GRB10: variants seen among roughly 807,000 people sequenced by gnomAD.
GRB10 encodes the protein growth factor receptor bound protein 10, also known as growth factor receptor-bound protein 10.
Under a neutral mutation model 80.9 loss-of-function variants are expected in GRB10, and 20 were observed. The ratio of observed to expected loss-of-function variants is 0.25; its 90% CI spans 0.17 to 0.36. GRB10 has a LOEUF of 0.36. GRB10 is among the 10% of genes least tolerant of loss of function. GRB10 has a pLI of 1.00. For missense variants in GRB10, 548 were observed against 747.7 expected (o/e 0.73, Z 3.12); for synonymous variants, 291 against 291.5 (o/e 1.00, Z 0.02).
chr7:50,762,386 C>A (rs558394282), intron 2 of GRB10, among the ~76,000 whole-genome samples: 1 of 151,812 alleles, frequency 6.6e-6, no homozygotes, highest in Non-Finnish European at 1.5e-5. Context: ...AAATGCACCA[C>A]CTCCTTTAAA....
At chr7:50,720,296 A>G (rs1239553188) in intron 4 of GRB10, among the ~76,000 whole-genome samples, 1 of 152,258 alleles carries the variant, frequency 6.6e-6, no homozygotes, top group African/African-American at 2.4e-5. Flanking sequence ...GATAATAATA[A>G]TAAATGTACC....
chr7:50,594,741 G>A (rs562305307), intron 18 of GRB10, among the ~76,000 whole-genome samples: 55 of 152,154 alleles, frequency 3.6e-4, no homozygotes, highest in Non-Finnish European at 6.8e-4. Flanking sequence ...ATTGAACTGT[G>A]GCATACTGAA....
Position 50,674,480 on chromosome 7 carries a change from C to T in GRB10, c.318G>A (p.Arg106=), listed in dbSNP as rs1434063281. The change falls in exon 6 of 19, where the codon AGG becomes AGA. Residue 106 remains arginine, a synonymous_variant. Coordinates refer to ENST00000401949, the MANE Select transcript of GRB10 (RefSeq NM_001350814.2). ...PRSIQPQVSP[R]QRVQRSQPVH... Reference sequence around the variant, plus strand: ...CAGGCTGGGAGCGCTGCACCCTCTGCCTCGGGGACACCTGTGGCTGGATGG... The same window carrying T: ...CAGGCTGGGAGCGCTGCACCCTCTGTCTCGGGGACACCTGTGGCTGGATGG... The T allele has an allele frequency of 5.0e-6, 8 of 1,608,140 alleles. No individual in the cohort carries two copies. The African/African-American group carries it at 9.3e-5, about 19-fold the overall frequency.
chr7:50,769,089 C>A (rs897319472), intron 2 of GRB10, among the ~76,000 whole-genome samples: 6 of 152,192 alleles, frequency 3.9e-5, no homozygotes, highest in African/African-American at 1.4e-4. Flanking sequence ...CACTACTCCC[C>A]ATGAGAATGG....
rs1371679952 is a variant in GRB10, at chr7:50,590,852, CAG to C, written c.*2098_*2099del. On this transcript the variant is annotated 3_prime_UTR_variant, in exon 19 of 19. Transcript: ENST00000401949. ...ACCAGCTACATACAAAACTGTGAAT[CAG>C]AGTCAAGCTTTTGTTCTCCTTTTAA... 3.3e-5 allele frequency: 5 copies of C among 152,204 alleles called. No homozygotes were observed. Among genetic ancestry groups the C allele is most frequent in the Non-Finnish European group, 5.9e-5 (4 of 68,034 alleles). The allele number at this position is 152,204 out of a possible 1,614,324, so 9.4% of individuals were successfully genotyped here.
chr7:50,664,059 G>A (rs1412446637), intron 7 of GRB10, among the ~76,000 whole-genome samples: 2 of 152,190 alleles, frequency 1.3e-5, no homozygotes, highest in Non-Finnish European at 2.9e-5. Context: ...GGCCATGCTC[G>A]GCTGATGGGC....
intron 3 of GRB10, among the ~76,000 whole-genome samples, chr7:50,746,082 C>T (rs1325570680): frequency 6.6e-6 from 1 of 152,202 alleles, no homozygotes; most frequent in Non-Finnish European, 1.5e-5. Context: ...TGAAACCATA[C>T]AAGCTCCACA....
chr7:50,656,692 C>T (rs571615187), intron 7 of GRB10, among the ~76,000 whole-genome samples: 6 of 152,306 alleles, frequency 3.9e-5, no homozygotes, highest in African/African-American at 1.4e-4. Context: ...CCAAAGCCAC[C>T]GTGTGCTACC....
rs993924030 is a variant in GRB10 at position 50,669,862 on chromosome 7, G to T, written c.364C>A (p.Arg122Ser). ...SQPVHILAVR[R>S]LQEEDQQFRT... ...AACTGCTGGTCTTCCTCCTGAAGGC[G>T]CCTGGAAGGCAGGGATAAGTGCCTG... The change falls in exon 7 of 19, where the codon CGC (arginine) becomes AGC (serine). Residue 122 changes from arginine to serine, a missense_variant and splice_region_variant. Around this residue, in one of 4 missense-constraint regions of GRB10, gnomAD observed 245 missense variants for 229.3 expected, o/e 1.07. Transcript: ENST00000401949. The T allele has an allele frequency of 1.9e-6, 3 of 1,609,954 alleles. No homozygotes were observed. The highest frequency in any genetic ancestry group is 2.2e-5 in the East Asian group (1 of 44,732).
chr7:50,612,768 G>A lies in GRB10; in HGVS notation c.1167C>T (p.Cys389=). Residue 389 remains cysteine (C), a synonymous_variant, in exon 13 of 19, where the codon TGC becomes TGT. Coordinates refer to ENST00000401949, the MANE Select transcript of GRB10 (RefSeq NM_001350814.2). Reference sequence around the variant, plus strand: ...TGAGGAGTCTGAACGCTGTCATCCAGCACGTCCTGGTTTGCTCGTCCTCTG... The same window carrying A: ...TGAGGAGTCTGAACGCTGTCATCCAACACGTCCTGGTTTGCTCGTCCTCTG... ...LCAEDEQTRT[C]WMTAFRLLKY... The A allele has an allele frequency of 6.2e-7, 1 of 1,613,700 alleles. No homozygotes were observed. The highest frequency in any genetic ancestry group is 8.5e-7 in the Non-Finnish European group (1 of 1,179,708).
intron 7 of GRB10, among the ~76,000 whole-genome samples, chr7:50,648,220 G>A (rs1351578112): frequency 6.6e-6 from 1 of 152,152 alleles, no homozygotes; most frequent in Non-Finnish European, 1.5e-5. Context: ...GTCCAGCAAA[G>A]AGGGTGGAAA....
intron 3 of GRB10, among the ~76,000 whole-genome samples, chr7:50,735,822 T>C (rs557932402): frequency 9.2e-5 from 14 of 152,230 alleles, no homozygotes; most frequent in African/African-American, 3.4e-4. Flanking sequence ...TATTGTGATA[T>C]ATATAAAATG....
At chr7:50,705,784 T>C (rs892919401) in intron 4 of GRB10, among the ~76,000 whole-genome samples, 2 of 152,164 alleles carry the variant, frequency 1.3e-5, no homozygotes, top group African/African-American at 2.4e-5. Flanking sequence ...CTAATGAAAA[T>C]ACAGGTTGTT....
intron 1 of GRB10, among the ~76,000 whole-genome samples, chr7:50,790,093 G>A (rs1040658078): frequency 1.3e-5 from 2 of 152,218 alleles, no homozygotes; most frequent in African/African-American, 4.8e-5. Context: ...CAGGTTGGGG[G>A]TGGGAGTCTG....
At chr7:50,626,062 T>C (rs914966023) in intron 8 of GRB10, among the ~76,000 whole-genome samples, 1 of 152,374 alleles carries the variant, frequency 6.6e-6, no homozygotes, top group East Asian at 1.9e-4. Context: ...TATTTTACTA[T>C]GACTTTGTAA....
chr7:50,762,714 T>C (rs954025542), intron 2 of GRB10, among the ~76,000 whole-genome samples: 5 of 152,210 alleles, frequency 3.3e-5, no homozygotes, highest in African/African-American at 1.2e-4. Flanking sequence ...AGAAAAATGT[T>C]ATAAAATCTG....
chr7:50,721,933 G>A (rs78015503), intron 4 of GRB10, among the ~76,000 whole-genome samples: 6,639 of 152,336 alleles, frequency 0.044, 493 homozygotes, highest in African/African-American at 0.15. Context: ...GCCAAGAAAC[G>A]GAAGAAGAAG....
At chr7:50,714,577 G>A (rs2066518674) in intron 4 of GRB10, among the ~76,000 whole-genome samples, 1 of 152,084 alleles carries the variant, frequency 6.6e-6, no homozygotes, top group South Asian at 2.1e-4. Context: ...GCAGGGGAAT[G>A]GCGTGAACCC....
intron 8 of GRB10, 65 bp downstream of exon 8, chr7:50,626,757 A>T: frequency 6.3e-7 from 1 of 1,578,112 alleles, no homozygotes; most frequent in South Asian, 1.1e-5. Context: ...ATTTGGCAGC[A>T]GCAGTCTTCA....
Sources: allele counts gnomAD v4.1 joint callset (sites outside exome capture counted in the v4.1 genomes callset), GRCh38; gene constraint gnomAD v4.1.1; regional missense constraint gnomAD v4.1.1; transcripts MANE v1.5; gene names NCBI Gene and HGNC (gene_info 2026-07-23, HGNC 2026-07-21).